The following WWOX variants were observed in gnomAD, a reference collection of about 807,000 sequenced individuals.
The protein encoded by WWOX is WW domain-containing oxidoreductase.
Under a neutral mutation model 46.2 loss-of-function variants are expected in WWOX, and 69 were observed. The observed-to-expected ratio is 1.49, with a 90% CI of 1.23 to 1.82. The LOEUF (loss-of-function observed/expected upper bound fraction) is 1.82. WWOX is among the 40% of genes most tolerant of loss of function. WWOX has a pLI of 0.00. For synonymous variants in WWOX, 359 were observed against 202.6 expected, an observed-to-expected ratio of 1.77 and a Z score of -6.56; for missense variants, 919 against 542.6, an observed-to-expected ratio of 1.69 and a Z score of -6.89.
In WWOX at chr16:78,600,073, T is replaced by C. The variant is rs115245616; in HGVS notation, c.1056+167321T>C. ...AGGAGCAAAGTCATATCTTACATGG[T>C]TGGCAGCAGGCAAAGAGTGAGCTTG... On this transcript the variant is annotated intron_variant, in intron 8 of 8. Transcript: ENST00000566780. Among the ~76,000 whole-genome samples the C allele has an allele frequency of 6.6e-3, 1,007 of 152,140 alleles. 11 individuals carry two copies. The highest frequency in any genetic ancestry group is 0.023 in the African/African-American group (952 of 41,506).
chr16:78,587,826 T>C (rs1255843042), intron 8 of WWOX, among the ~76,000 whole-genome samples: 1 of 152,150 alleles, frequency 6.6e-6, no homozygotes, highest in African/African-American at 2.4e-5. Context: ...TTGTGCAAAA[T>C]GTCCCAGTGA....
intron 8 of WWOX, among the ~76,000 whole-genome samples, chr16:78,489,997 A>G (rs758850796): frequency 6.6e-6 from 1 of 152,176 alleles, no homozygotes; most frequent in African/African-American, 2.4e-5. Context: ...ATCTGTTGAA[A>G]CTGGCAATTT....
intron 4 of WWOX, among the ~76,000 whole-genome samples, chr16:78,134,782 G>A (rs1268886452): frequency 6.6e-6 from 1 of 152,124 alleles, no homozygotes; most frequent in African/African-American, 2.4e-5. Flanking sequence ...GTATAACGTT[G>A]GTTTTAGAAA....
At chr16:79,037,206 T>C (rs1235428500) in intron 8 of WWOX, among the ~76,000 whole-genome samples, 2 of 152,148 alleles carry the variant, frequency 1.3e-5, no homozygotes, top group Non-Finnish European at 2.9e-5. Flanking sequence ...GGCCCTGTAA[T>C]TGCCAACAGT....
At chr16:79,021,364 T>G (rs1381880720) in intron 8 of WWOX, among the ~76,000 whole-genome samples, 1 of 152,182 alleles carries the variant, frequency 6.6e-6, no homozygotes, top group African/African-American at 2.4e-5. Flanking sequence ...ATCACCTGTT[T>G]TTGTGTCACG....
chr16:78,636,043 C>T lies in WWOX; in HGVS notation c.1056+203291C>T, dbSNP rs143156256. On this transcript the variant is annotated intron_variant, in intron 8 of 8. Transcript: ENST00000566780. ...AGATGGACGGTCCTTATGCTCGCTGCGGAACACTGCCTGTGTTTTCCTAGG... is the reference window on the plus strand; with the variant it reads ...AGATGGACGGTCCTTATGCTCGCTGTGGAACACTGCCTGTGTTTTCCTAGG... Among the ~76,000 whole-genome samples, 676 of 152,246 alleles carry T rather than the reference C, an allele frequency of 4.4e-3. 5 individuals are homozygous for T. Among genetic ancestry groups the T allele is most frequent in the African/African-American group, 0.015 (615 of 41,526 alleles).
At chr16:78,939,106 C>T (rs1479472149) in intron 8 of WWOX, among the ~76,000 whole-genome samples, 6 of 152,158 alleles carry the variant, frequency 3.9e-5, no homozygotes, top group Admixed American at 2.6e-4. Flanking sequence ...ACAGTGGCCC[C>T]GCTGGATTTT....
At chr16:78,125,512 C>T (rs7192276) in intron 4 of WWOX, among the ~76,000 whole-genome samples, 20,853 of 152,078 alleles carry the variant, frequency 0.14, 1,680 homozygotes, top group East Asian at 0.22. Context: ...GTGGCATCTG[C>T]GGGGAGGGCC....
intron 5 of WWOX, among the ~76,000 whole-genome samples, chr16:78,170,174 C>T (rs1227639410): frequency 2.6e-5 from 4 of 152,136 alleles, no homozygotes; most frequent in Non-Finnish European, 2.9e-5. Context: ...CTTGGGGGTG[C>T]AAATCGTCCC....
rs199853998 is a variant in WWOX at position 78,120,324 on chromosome 16, A to C, written c.409+5170A>C. On this transcript the variant is annotated intron_variant, in intron 4 of 8. Coordinates refer to ENST00000566780, the MANE Select transcript of WWOX (RefSeq NM_016373.4). Reference sequence around the variant, plus strand: ...GGTGGCTCACGCCTGTAATCCCAGCACTTTGAGAGGCCGAGGCGGGTGGAT... The same window carrying C: ...GGTGGCTCACGCCTGTAATCCCAGCCCTTTGAGAGGCCGAGGCGGGTGGAT... Among the ~76,000 whole-genome samples, 3 of 152,152 alleles carry C rather than the reference A, an allele frequency of 2.0e-5. No individual in the cohort carries two copies. In the East Asian group the frequency reaches 5.8e-4, roughly 29 times the overall value.
chr16:78,211,900 C>T (rs898304306), intron 5 of WWOX, among the ~76,000 whole-genome samples: 5 of 152,178 alleles, frequency 3.3e-5, no homozygotes, highest in African/African-American at 1.2e-4. Flanking sequence ...ATTAACTGCC[C>T]CTACCCTCTC....
chr16:78,584,755 C>G (rs1021676117), intron 8 of WWOX, among the ~76,000 whole-genome samples: 1 of 152,130 alleles, frequency 6.6e-6, no homozygotes, highest in African/African-American at 2.4e-5. Context: ...CAGGAAGGAG[C>G]CTTGTGGTAT....
chr16:78,667,820 C>T (rs1040185782), intron 8 of WWOX, among the ~76,000 whole-genome samples: 1 of 152,132 alleles, frequency 6.6e-6, no homozygotes, highest in Non-Finnish European at 1.5e-5. Flanking sequence ...CATCTGTTTG[C>T]CTATGCTATA....
intron 8 of WWOX, among the ~76,000 whole-genome samples, chr16:78,935,932 A>AAGCAGCAGC: frequency 6.6e-6 from 1 of 151,900 alleles, no homozygotes; most frequent in East Asian, 1.9e-4. Context: ...AAAATAAAAT[A>AAGCAGCAGC]AGCAGCAGCA....
chr16:78,229,409 C>T (rs975343905), intron 5 of WWOX, among the ~76,000 whole-genome samples: 6 of 150,038 alleles, frequency 4.0e-5, no homozygotes, highest in East Asian at 3.9e-4. Context: ...TTGTTGTCAT[C>T]GTTTTATGAT....
chr16:78,611,346 C>G (rs138813503), intron 8 of WWOX, among the ~76,000 whole-genome samples: 1 of 152,242 alleles, frequency 6.6e-6, no homozygotes, highest in African/African-American at 2.4e-5. Flanking sequence ...AATAACAAAA[C>G]TACAGGAGGT....
At chr16:78,190,161 G>C (rs1026752919) in intron 5 of WWOX, among the ~76,000 whole-genome samples, 2 of 152,200 alleles carry the variant, frequency 1.3e-5, no homozygotes, top group African/African-American at 4.8e-5. Context: ...AATGGTTGGT[G>C]CTAAGATGAG....
At chr16:78,516,694 C>T (rs902458768) in intron 8 of WWOX, among the ~76,000 whole-genome samples, 1 of 152,142 alleles carries the variant, frequency 6.6e-6, no homozygotes, top group Non-Finnish European at 1.5e-5. Flanking sequence ...TTTGCACAGG[C>T]AAAAGTCCAG....
intron 5 of WWOX, among the ~76,000 whole-genome samples, chr16:78,327,772 GTTC>G (rs2080661126): frequency 6.6e-6 from 1 of 151,682 alleles, no homozygotes; most frequent in South Asian, 2.1e-4. Flanking sequence ...GTCTACAGTG[GTTC>G]TTTGTACAAA....
Sources: allele counts gnomAD v4.1 joint callset (sites outside exome capture counted in the v4.1 genomes callset), GRCh38; gene constraint gnomAD v4.1.1; transcripts MANE v1.5; gene names NCBI Gene and HGNC (gene_info 2026-07-23, HGNC 2026-07-21).